Variants in FRMD4A observed in about 807,000 individuals in gnomAD.
FRMD4A encodes the protein FERM domain-containing protein 4A.
Under a neutral mutation model 129.1 loss-of-function variants are expected in FRMD4A, and 29 were observed. The observed-to-expected ratio is 0.22, with a 90% confidence interval of 0.17 to 0.31. FRMD4A has a LOEUF of 0.31. FRMD4A is among the 10% of genes least tolerant of loss of function. The probability of loss-of-function intolerance (pLI) is 1.00; values close to 1 mark genes in which losing one functional copy is unlikely to be tolerated. For missense variants in FRMD4A, 1,272 were observed against 1,375.8 expected, an observed-to-expected ratio of 0.92 and a Z score of 1.19; for synonymous variants, 634 against 571.6, an observed-to-expected ratio of 1.11 and a Z score of -1.56.
At chr10:14,087,865 C>G (rs1836384392) in intron 2 of FRMD4A, among the ~76,000 whole-genome samples, 1 of 152,088 alleles carries the variant, frequency 6.6e-6, no homozygotes, top group Admixed American at 6.5e-5. Flanking sequence ...ATTATTAAAA[C>G]AGAAGGGGAA....
Position 14,269,535 on chromosome 10 carries a change from G to A in FRMD4A, c.45+60523C>T, listed in dbSNP as rs780830109. On this transcript the variant is annotated intron_variant, in intron 2 of 24. Transcript: ENST00000357447. ...TTCCTCTGCCTTCAGAGCCAGTGGC[G>A]TTAACATCTCTCTGACCCTACTCCA... is the stretch of plus-strand genomic sequence containing the variant. 3.9e-5 allele frequency among the ~76,000 whole-genome samples: 6 copies of A among 152,110 alleles called. No individual in the cohort carries two copies. The East Asian group carries it at 7.7e-4, about 20-fold the overall frequency.
intron 14 of FRMD4A, among the ~76,000 whole-genome samples, chr10:13,698,728 C>A (rs2086480275): frequency 6.6e-6 from 1 of 152,184 alleles, no homozygotes; most frequent in Non-Finnish European, 1.5e-5. Flanking sequence ...TTGGGGAAAG[C>A]AAAACACCAA....
chr10:14,005,276 T>A (rs971001293), intron 2 of FRMD4A, among the ~76,000 whole-genome samples: 5 of 152,222 alleles, frequency 3.3e-5, no homozygotes, highest in African/African-American at 1.2e-4. Context: ...ACCAGCTCGG[T>A]CTCCCAAAGT....
Position 13,707,095 on chromosome 10 carries a change from A to G in FRMD4A, c.778T>C (p.Leu260=). 1.3e-6 allele frequency: 2 copies of G among 1,580,184 alleles called. No homozygotes were observed. The highest frequency in any genetic ancestry group is 1.7e-6 in the Non-Finnish European group (2 of 1,149,086). Reference sequence around the variant, plus strand: ...TTTTCTCTGAAGTACAGGTTTTCCAACTGTCTCCATTGGAATATCTGGACA... The same window carrying G: ...TTTTCTCTGAAGTACAGGTTTTCCAGCTGTCTCCATTGGAATATCTGGACA... The part of the protein sequence containing the change: ...KPRKIFQWRQ[L]ENLYFREKKF... The change falls in exon 13 of 25, where the codon TTG becomes CTG. Residue 260 remains leucine (L), a synonymous_variant. Coordinates refer to ENST00000357447, the MANE Select transcript of FRMD4A (RefSeq NM_018027.5).
chr10:13,902,497 G>A (rs2094832771), intron 2 of FRMD4A, among the ~76,000 whole-genome samples: 1 of 151,766 alleles, frequency 6.6e-6, no homozygotes, highest in Non-Finnish European at 1.5e-5. Flanking sequence ...GAGAGTGACA[G>A]AGATGAGCCA....
chr10:14,317,281 C>T lies in FRMD4A; in HGVS notation c.45+12777G>A, dbSNP rs1009711462. Among the ~76,000 whole-genome samples, 8 of 152,098 alleles carry T rather than the reference C, an allele frequency of 5.3e-5. No homozygotes were observed. The East Asian group carries it at 1.5e-3, about 29-fold the overall frequency. The stretch of plus-strand genomic sequence containing the variant: ...ACCTCTCTTTCTCTATTCCTTTTTG[C>T]CTTCCTCATACCCAAATGTCACATA... On this transcript the variant is annotated intron_variant, in intron 2 of 24. Transcript: ENST00000357447.
At chr10:14,297,239 G>C (rs145809140) in intron 2 of FRMD4A, among the ~76,000 whole-genome samples, 56 of 152,098 alleles carry the variant, frequency 3.7e-4, no homozygotes, top group African/African-American at 1.3e-3. Flanking sequence ...AAAAGTGATA[G>C]GTGTACTTCT....
rs190075534 is a variant in FRMD4A at position 13,951,718 on chromosome 10, C to T, written c.46-92806G>A. Among the ~76,000 whole-genome samples, 335 of 151,768 alleles carry T rather than the reference C, an allele frequency of 2.2e-3. 1 individual carries two copies. Among genetic ancestry groups the T allele is most frequent in the Non-Finnish European group, 4.1e-3 (280 of 67,922 alleles). On this transcript the variant is annotated intron_variant, in intron 2 of 24. Coordinates refer to ENST00000357447, the MANE Select transcript of FRMD4A (RefSeq NM_018027.5). ...GAGCCTGGCCAACATGGTGAAACCC[C>T]GTCTCTACTAAAAATACAAAAATTA...
intron 2 of FRMD4A, among the ~76,000 whole-genome samples, chr10:14,142,341 A>T (rs1180475145): frequency 6.6e-6 from 1 of 152,166 alleles, no homozygotes; most frequent in Non-Finnish European, 1.5e-5. Flanking sequence ...CTATTAAGGG[A>T]AACTGTCAGG....
At chr10:13,897,731 G>A (rs2094773819) in intron 2 of FRMD4A, among the ~76,000 whole-genome samples, 1 of 151,950 alleles carries the variant, frequency 6.6e-6, no homozygotes, top group Non-Finnish European at 1.5e-5. Context: ...GAGGCCAGGA[G>A]TTCAAGACCA....
At chr10:14,227,105 T>G (rs774783741) in intron 2 of FRMD4A, among the ~76,000 whole-genome samples, 21 of 152,162 alleles carry the variant, frequency 1.4e-4, no homozygotes, top group African/African-American at 4.3e-4. Context: ...TCCAATTCCC[T>G]GAAGGTGCCA....
intron 2 of FRMD4A, among the ~76,000 whole-genome samples, chr10:14,153,654 C>T (rs971078848): frequency 2.0e-5 from 3 of 152,132 alleles, no homozygotes; most frequent in Admixed American, 2.0e-4. Context: ...GGAAACCGAG[C>T]TTAGGAGGCT....
chr10:13,983,438 A>C (rs1318319311), intron 2 of FRMD4A, among the ~76,000 whole-genome samples: 2 of 152,158 alleles, frequency 1.3e-5, no homozygotes, highest in Non-Finnish European at 2.9e-5. Context: ...AGGCATTGAA[A>C]ATCTATAAGG....
intron 2 of FRMD4A, among the ~76,000 whole-genome samples, chr10:14,314,157 C>T (rs1415237590): frequency 1.3e-5 from 2 of 152,228 alleles, no homozygotes; most frequent in African/African-American, 4.8e-5. Context: ...TCAGCCACCA[C>T]CTCTGACACT....
chr10:14,116,351 T>G (rs1838197176), intron 2 of FRMD4A, among the ~76,000 whole-genome samples: 1 of 152,202 alleles, frequency 6.6e-6, no homozygotes, highest in Admixed American at 6.5e-5. Flanking sequence ...GGTGGGTGGT[T>G]TTTGCATGTT....
chr10:14,267,482 C>T (rs929811476), intron 2 of FRMD4A, among the ~76,000 whole-genome samples: 1 of 152,178 alleles, frequency 6.6e-6, no homozygotes, highest in African/African-American at 2.4e-5. Flanking sequence ...AGCCTAAGCT[C>T]AGGTCTGTCC....
At chr10:13,952,152 T>G (rs1432745180) in intron 2 of FRMD4A, among the ~76,000 whole-genome samples, 1 of 148,480 alleles carries the variant, frequency 6.7e-6, no homozygotes, top group Non-Finnish European at 1.5e-5. Context: ...TACTCTTTTT[T>G]CTGATTTTTC....
At chr10:13,751,532 A>G (rs1240217556) in intron 8 of FRMD4A, among the ~76,000 whole-genome samples, 1 of 152,196 alleles carries the variant, frequency 6.6e-6, no homozygotes, top group Non-Finnish European at 1.5e-5. Context: ...CCCTAATGGG[A>G]AACTTGGTCA....
At chr10:13,994,608 C>T (rs1181661175) in intron 2 of FRMD4A, among the ~76,000 whole-genome samples, 1 of 152,202 alleles carries the variant, frequency 6.6e-6, no homozygotes, top group African/African-American at 2.4e-5. Flanking sequence ...AAATTGAAAA[C>T]TGGCATCTTA....
Sources: allele counts gnomAD v4.1 joint callset (sites outside exome capture counted in the v4.1 genomes callset), GRCh38; gene constraint gnomAD v4.1.1; transcripts MANE v1.5; gene names NCBI Gene and HGNC (gene_info 2026-07-23, HGNC 2026-07-21).